The following DBX2 variants were observed in gnomAD, a reference collection of about 807,000 sequenced individuals.
DBX2 encodes developing brain homeobox 2.
A neutral mutation model predicts 17.7 loss-of-function variants in DBX2; 16 were observed. That is an observed-to-expected ratio of 0.90 (90% CI 0.61 to 1.37). The LOEUF (loss-of-function observed/expected upper bound fraction) is 1.37, where lower values mean the gene tolerates loss of function less well. Among genes scored for constraint, DBX2 ranks in the 40% most tolerant of loss-of-function variants. The probability of loss-of-function intolerance (pLI) is 0.00; values close to 1 mark genes in which losing one functional copy is unlikely to be tolerated. For missense variants in DBX2, 538 were observed against 433.8 expected, an observed-to-expected ratio of 1.24 and a Z score of -2.13; for synonymous variants, 255 against 183.8, an observed-to-expected ratio of 1.39 and a Z score of -3.13.
intron 1 of DBX2, among the ~76,000 whole-genome samples, chr12:45,039,009 A>T (rs570560207): frequency 2.6e-5 from 4 of 152,114 alleles, no homozygotes; most frequent in Non-Finnish European, 5.9e-5. Context: ...TTGAAGTTCT[A>T]TTGTGTACAA....
chr12:45,019,046 A>C (rs1475368354), intron 3 of DBX2, among the ~76,000 whole-genome samples: 2 of 152,016 alleles, frequency 1.3e-5, no homozygotes, highest in Admixed American at 6.6e-5. Context: ...AAGATGAAAA[A>C]ATTTCTGGAG....
Position 45,050,530 on chromosome 12 carries a change from G to A in DBX2, c.398C>T (p.Ala133Val). ...GGAGGGGAGAGCTGGCTCACCTGGC[G>A]CTGAAGGCTGGAAGGTACAGTCTCG... ...GDRDCTFQPS[A>V]PAPSKPFLLS... The change falls in exon 1 of 4, where the codon GCG becomes GTG. Residue 133 changes from alanine to valine, a missense_variant. Physicochemically the swap from Ala to Val is moderately conservative, Grantham distance 64. Coordinates refer to ENST00000332700, the MANE Select transcript of DBX2 (RefSeq NM_001004329.3). The A allele has an allele frequency of 1.3e-6, 2 of 1,550,752 alleles. No homozygotes were observed. The highest frequency in any genetic ancestry group is 2.4e-5 in the East Asian group (1 of 40,834).
chr12:45,034,410 A>G (rs1222679135), intron 2 of DBX2, among the ~76,000 whole-genome samples: 1 of 152,228 alleles, frequency 6.6e-6, no homozygotes, highest in Non-Finnish European at 1.5e-5. Context: ...ATATATGGTG[A>G]TAAATGTCTC....
At chr12:45,033,333 A>G (rs1946419787) in intron 2 of DBX2, among the ~76,000 whole-genome samples, 1 of 152,232 alleles carries the variant, frequency 6.6e-6, no homozygotes. Context: ...ACTTTTTAAT[A>G]TAAACCTAAT....
At chr12:45,028,815 T>C (rs1455032758) in intron 2 of DBX2, among the ~76,000 whole-genome samples, 1 of 152,016 alleles carries the variant, frequency 6.6e-6, no homozygotes, top group African/African-American at 2.4e-5. Flanking sequence ...GTAAAGAATA[T>C]TATATTCTTT....
intron 3 of DBX2, among the ~76,000 whole-genome samples, chr12:45,020,207 C>T (rs553380890): frequency 1.3e-5 from 2 of 152,160 alleles, no homozygotes; most frequent in East Asian, 1.9e-4. Flanking sequence ...TTCCCTGTTT[C>T]CCCCAGCCCT....
chr12:45,018,766 T>A (rs1946336243), intron 3 of DBX2, among the ~76,000 whole-genome samples: 1 of 151,988 alleles, frequency 6.6e-6, no homozygotes, highest in South Asian at 2.1e-4. Context: ...GATAAATGGA[T>A]AAATAAAATG....
intron 1 of DBX2, among the ~76,000 whole-genome samples, chr12:45,045,707 TG>T (rs1295638931): frequency 6.6e-6 from 1 of 152,116 alleles, no homozygotes; most frequent in African/African-American, 2.4e-5. Context: ...GCAATCCCTT[TG>T]TTTTTTTATT....
intron 1 of DBX2, among the ~76,000 whole-genome samples, chr12:45,042,423 C>T (rs1023442381): frequency 1.3e-5 from 2 of 152,162 alleles, no homozygotes; most frequent in Non-Finnish European, 2.9e-5. Context: ...AGAATGAAAC[C>T]ATTCCAAGAA....
In DBX2 at chr12:45,023,891, TCTC is replaced by T. The variant is rs1175057592; in HGVS notation, c.500_502del (p.Arg167_Glu168delinsLys). ...TGTCAGGAGAGGCAGCATGCTCTCT[TCTC>T]CTAGAGTCGAGGGAAAAAGATACAA... On this transcript the variant is annotated inframe_deletion and splice_region_variant, in exon 3 of 4. Transcript: ENST00000332700. The T allele has an allele frequency of 1.3e-6, 2 of 1,543,670 alleles. No individual in the cohort carries two copies. Among genetic ancestry groups the T allele is most frequent in the South Asian group, 2.6e-5 (2 of 77,180 alleles).
chr12:45,034,096 C>T (rs1946422926), intron 2 of DBX2, among the ~76,000 whole-genome samples: 1 of 148,708 alleles, frequency 6.7e-6, no homozygotes, highest in Non-Finnish European at 1.5e-5. Context: ...TTCAAACGTC[C>T]CTATAAAATA....
chr12:45,045,544 A>G (rs527777223), intron 1 of DBX2, among the ~76,000 whole-genome samples: 17 of 152,208 alleles, frequency 1.1e-4, no homozygotes, highest in South Asian at 2.1e-4. Context: ...TAACTGTAAA[A>G]TATCTTCTTA....
chr12:45,039,001 G>A (rs1592757276), intron 1 of DBX2, among the ~76,000 whole-genome samples: 2 of 152,062 alleles, frequency 1.3e-5, no homozygotes, highest in South Asian at 4.1e-4. Context: ...GACCAGGCTT[G>A]AAGTTCTATT....
At chr12:45,024,546 A>G (rs1291311535) in intron 2 of DBX2, among the ~76,000 whole-genome samples, 1 of 152,234 alleles carries the variant, frequency 6.6e-6, no homozygotes, top group Non-Finnish European at 1.5e-5. Flanking sequence ...ATTAAGTAGT[A>G]GGTGGTTTAA....
At chr12:45,020,677 A>G (rs1246343308) in intron 3 of DBX2, among the ~76,000 whole-genome samples, 2 of 146,270 alleles carry the variant, frequency 1.4e-5, no homozygotes, top group Non-Finnish European at 3.0e-5. Context: ...ATATATATGT[A>G]TATATATATA....
intron 2 of DBX2, among the ~76,000 whole-genome samples, chr12:45,032,828 A>C (rs1946417234): frequency 6.6e-6 from 1 of 152,236 alleles, no homozygotes; most frequent in Admixed American, 6.5e-5. Context: ...TAATTATCTG[A>C]TTAATTCAAT....
chr12:45,050,063 C>G (rs11182809), intron 1 of DBX2, among the ~76,000 whole-genome samples: 4,680 of 152,200 alleles, frequency 0.031, 137 homozygotes, highest in East Asian at 0.18. Context: ...CTAACAGTTT[C>G]AGTGGCAAAA....
intron 1 of DBX2, among the ~76,000 whole-genome samples, chr12:45,042,050 C>T (rs1468025396): frequency 6.6e-6 from 1 of 152,120 alleles, no homozygotes; most frequent in Non-Finnish European, 1.5e-5. Context: ...GATACAGATG[C>T]CTAGCCCCCA....
rs376901737 is a variant in DBX2, at chr12:45,036,129, T to C, written c.404-15A>G. ...TTTGGAAGGTGCTGCAGAGAAAGCA[T>C]TGATCTCATTGATTAGCCATTTCTT... On this transcript the variant is annotated splice_polypyrimidine_tract_variant and intron_variant, in intron 1 of 3. Coordinates refer to ENST00000332700, the MANE Select transcript of DBX2 (RefSeq NM_001004329.3). 35 of 1,585,994 alleles carry C rather than the reference T, an allele frequency of 2.2e-5. No homozygotes were observed. Among genetic ancestry groups the C allele is most frequent in the African/African-American group, 2.7e-5 (2 of 73,758 alleles).
Sources: gnomAD v4.1 joint callset for allele counts (sites outside exome capture counted in the v4.1 genomes callset) on GRCh38, gnomAD v4.1.1 for gene constraint, MANE v1.5 for transcripts, NCBI Gene and HGNC (gene_info 2026-07-23, HGNC 2026-07-21) for gene names.